The following NT5C2 variants were observed in gnomAD, a reference collection of about 807,000 sequenced individuals.
The protein encoded by NT5C2 is cytosolic purine 5'-nucleotidase.
A neutral mutation model predicts 76.1 loss-of-function variants in NT5C2; 58 were observed. The ratio of observed to expected loss-of-function variants is 0.76; its 90% CI spans 0.62 to 0.95. The LOEUF (loss-of-function observed/expected upper bound fraction) is 0.95, where lower values mean the gene tolerates loss of function less well. Ranked by LOEUF, NT5C2 falls within the 40% of genes least tolerant of loss-of-function variation. NT5C2 has a pLI of 0.00. For synonymous variants in NT5C2, 229 were observed against 237.4 expected (o/e 0.96, Z 0.32); for missense variants, 478 against 690.3 (o/e 0.69, Z 3.45).
intron 1 of NT5C2, among the ~76,000 whole-genome samples, chr10:103,187,969 C>G (rs2092246888): frequency 6.6e-6 from 1 of 152,170 alleles, no homozygotes; most frequent in African/African-American, 2.4e-5. Context: ...ATAACAAAAG[C>G]ATGTCCTGTC....
chr10:103,172,524 G>GT (rs1345324065), intron 3 of NT5C2, among the ~76,000 whole-genome samples: 2 of 151,706 alleles, frequency 1.3e-5, no homozygotes, highest in African/African-American at 2.4e-5. Context: ...TAGGATTACA[G>GT]GAAAAAAATT....
chr10:103,122,005 C>G (rs2075760147), intron 4 of NT5C2, among the ~76,000 whole-genome samples: 1 of 152,088 alleles, frequency 6.6e-6, no homozygotes, highest in Non-Finnish European at 1.5e-5. Context: ...CCAACCCTGT[C>G]TCTACTAAAA....
intron 1 of NT5C2, among the ~76,000 whole-genome samples, chr10:103,182,172 G>A (rs2091199025): frequency 6.6e-6 from 1 of 152,136 alleles, no homozygotes; most frequent in Non-Finnish European, 1.5e-5. Flanking sequence ...TTGGAATAAA[G>A]TGAGGAGCAC....
chr10:103,122,961 T>C (rs1332400890), intron 4 of NT5C2, among the ~76,000 whole-genome samples: 2 of 152,206 alleles, frequency 1.3e-5, no homozygotes, highest in Non-Finnish European at 2.9e-5. Context: ...TTATGAAGGC[T>C]CCTGTGTCCC....
chr10:103,094,198 T>A, intron 13 of NT5C2, 150 bp downstream of exon 13: 2 of 748,424 alleles, frequency 2.7e-6, no homozygotes, highest in Non-Finnish European at 4.5e-6. Context: ...TGTTTGACTG[T>A]TTCAGTTAAG....
At chr10:103,157,585 C>A (rs11191583) in intron 3 of NT5C2, among the ~76,000 whole-genome samples, 16,274 of 152,160 alleles carry the variant, frequency 0.11, 1,135 homozygotes, top group Non-Finnish European at 0.15. Flanking sequence ...AAATGCTACA[C>A]AAATTAAGGT....
In NT5C2 at chr10:103,089,248, T is replaced by A. The variant is rs2066100322; in HGVS notation, c.*424A>T. 1 of 222,756 alleles carries A rather than the reference T, an allele frequency of 4.5e-6. No individual in the cohort carries two copies. 13.8% of individuals were successfully genotyped at this position (222,756 alleles called of 1,614,324 possible). ...TCCACTGATATACAATACCATGTAA[T>A]GCACTGGAAAAGTTGGACCTTGGAG... On this transcript the variant is annotated 3_prime_UTR_variant, in exon 19 of 19. Transcript: ENST00000404739.
intron 4 of NT5C2, among the ~76,000 whole-genome samples, chr10:103,108,401 G>A (rs1465456564): frequency 6.6e-6 from 1 of 152,076 alleles, no homozygotes. Context: ...AACATCTTTA[G>A]CTTTTGGCGC....
chr10:103,117,444 C>G (rs1198642450), intron 4 of NT5C2, among the ~76,000 whole-genome samples: 1 of 152,132 alleles, frequency 6.6e-6, no homozygotes, highest in Non-Finnish European at 1.5e-5. Flanking sequence ...CCCAGCAGTT[C>G]AAGATCCAAC....
chr10:103,150,070 G>A (rs946061334), intron 3 of NT5C2, among the ~76,000 whole-genome samples: 1 of 151,954 alleles, frequency 6.6e-6, no homozygotes, highest in Non-Finnish European at 1.5e-5. Context: ...ACTTTACTAA[G>A]GTATCATTTA....
chr10:103,100,192 A>C (rs1234983487), intron 8 of NT5C2, among the ~76,000 whole-genome samples, 173 bp from the exon 9 acceptor site: 2 of 152,368 alleles, frequency 1.3e-5, no homozygotes, highest in East Asian at 3.9e-4. Flanking sequence ...AGAAATGGCT[A>C]TAGTGTTCAA....
intron 4 of NT5C2, among the ~76,000 whole-genome samples, chr10:103,128,204 T>G (rs2077083089): frequency 6.9e-6 from 1 of 145,466 alleles, no homozygotes; most frequent in African/African-American, 2.5e-5. Context: ...GCCTGCCGAG[T>G]GCCTGCCATT....
intron 15 of NT5C2, 136 bp from the exon 16 acceptor site, chr10:103,091,751 C>G: frequency 1.5e-6 from 1 of 680,610 alleles, no homozygotes; most frequent in South Asian, 1.7e-5. Context: ...GTACAGTTAC[C>G]TCCTCTTCCC....
intron 4 of NT5C2, among the ~76,000 whole-genome samples, chr10:103,139,007 C>CA (rs55748615): frequency 0.033 from 4,114 of 124,482 alleles, 142 homozygotes; most frequent in African/African-American, 0.098. Flanking sequence ...AACTCCGTCT[C>CA]AAAAAAAAAA....
intron 3 of NT5C2, among the ~76,000 whole-genome samples, chr10:103,170,117 ACT>A (rs1269632448): frequency 2.0e-5 from 3 of 151,990 alleles, no homozygotes; most frequent in African/African-American, 4.8e-5. Context: ...ACAGAGCGAG[ACT>A]CTGTCTCAAA....
At position 103,106,685 on chromosome 10, in the gene NT5C2, T is replaced by C. The variant is rs773930069; in HGVS notation, c.197A>G (p.Glu66Gly). ...TLAVYKSPEYESLGFELTVER... is the reference protein window; with the variant it reads ...TLAVYKSPEYGSLGFELTVER... ...CACAGTAAGCTCAAAACCAAGGGAC[T>C]CATACTCTGGGGACTTGTACACTGC... The change falls in exon 5 of 19, where the codon GAG becomes GGG. Residue 66 changes from glutamate (E) to glycine (G), a missense_variant. By Grantham distance (98) the Glu-to-Gly change is moderately conservative. Coordinates refer to ENST00000404739, the MANE Select transcript of NT5C2 (RefSeq NM_001351169.2). The C allele has an allele frequency of 6.2e-7, 1 of 1,611,820 alleles. No individual in the cohort carries two copies. Among genetic ancestry groups the C allele is most frequent in the Non-Finnish European group, 8.5e-7 (1 of 1,177,946 alleles).
chr10:103,147,124 C>T (rs1406588927), intron 3 of NT5C2, among the ~76,000 whole-genome samples: 1 of 152,136 alleles, frequency 6.6e-6, no homozygotes, highest in African/African-American at 2.4e-5. Flanking sequence ...TATTTATAAA[C>T]TGGTCCTCCC....
intron 3 of NT5C2, among the ~76,000 whole-genome samples, chr10:103,170,667 C>T (rs752288369): frequency 3.3e-5 from 5 of 151,596 alleles, no homozygotes; most frequent in East Asian, 1.9e-4. Flanking sequence ...AGTCCACAGG[C>T]GTAAGCCACC....
At chr10:103,098,797 G>A in intron 10 of NT5C2, 134 bp downstream of exon 10, 1 of 654,516 alleles carries the variant, frequency 1.5e-6, no homozygotes, top group South Asian at 2.0e-5. Context: ...TATTCTTGGT[G>A]ATTATACCCG....
Sources: gnomAD v4.1 joint callset for allele counts (sites outside exome capture counted in the v4.1 genomes callset) on GRCh38, gnomAD v4.1.1 for gene constraint, MANE v1.5 for transcripts, NCBI Gene and HGNC (gene_info 2026-07-23, HGNC 2026-07-21) for gene names.